The following LCMT1 variants were observed in gnomAD, a reference collection of about 807,000 sequenced individuals.
LCMT1 encodes leucine carboxyl methyltransferase 1.
A neutral mutation model predicts 47.7 loss-of-function variants in LCMT1; 32 were observed. The observed-to-expected ratio is 0.67, with a 90% CI of 0.51 to 0.90. The LOEUF (loss-of-function observed/expected upper bound fraction) is 0.90, where lower values mean the gene tolerates loss of function less well. Among genes scored for constraint, LCMT1 ranks in the 40% least tolerant of loss-of-function variants. LCMT1 has a pLI of 0.00. For synonymous variants in LCMT1, 152 were observed against 149.7 expected (o/e 1.02, Z -0.11); for missense variants, 375 against 415.2 (o/e 0.90, Z 0.84).
chr16:25,154,597 C>T (rs1209108000), intron 5 of LCMT1, among the ~76,000 whole-genome samples: 1 of 151,418 alleles, frequency 6.6e-6, no homozygotes, highest in African/African-American at 2.4e-5. Context: ...TGCCATTCTC[C>T]TGCCTCAGCC....
At chr16:25,125,536 AAAT>A (rs1158477934) in intron 1 of LCMT1, among the ~76,000 whole-genome samples, 4 of 152,122 alleles carry the variant, frequency 2.6e-5, no homozygotes, top group Non-Finnish European at 5.9e-5. Flanking sequence ...AAGCTAGATT[AAAT>A]AATAGTTTTG....
intron 1 of LCMT1, among the ~76,000 whole-genome samples, chr16:25,125,693 G>T (rs374256819): frequency 6.6e-6 from 1 of 151,880 alleles, no homozygotes; most frequent in Non-Finnish European, 1.5e-5. Flanking sequence ...TTAGCCAGGC[G>T]TGGTGGCGGG....
At chr16:25,159,741 G>A (rs769640914) in intron 5 of LCMT1, among the ~76,000 whole-genome samples, 12 of 152,054 alleles carry the variant, frequency 7.9e-5, no homozygotes, top group Non-Finnish European at 1.5e-4. Flanking sequence ...TTATCAAGAT[G>A]ATAAATGAGA....
rs922081313 is a variant in LCMT1, at chr16:25,177,768, A to G, written c.983-233A>G. Among the ~76,000 whole-genome samples, 3 of 152,348 alleles carry G rather than the reference A, an allele frequency of 2.0e-5. No individual in the cohort carries two copies. In the South Asian group the frequency reaches 6.2e-4, roughly 32 times the overall value. On this transcript the variant is annotated intron_variant, in intron 10 of 10. Coordinates refer to ENST00000399069, the MANE Select transcript of LCMT1 (RefSeq NM_016309.3). ...GGTAGATTTTTGGCGTTAACTGCAG[A>G]CAGTCCATAAACTGTTATAATGTTT... is the stretch of plus-strand genomic sequence containing the variant.
chr16:25,133,892 TGTG>T (rs1188032662), intron 3 of LCMT1, among the ~76,000 whole-genome samples: 3 of 151,500 alleles, frequency 2.0e-5, no homozygotes, highest in African/African-American at 7.3e-5. Flanking sequence ...ATTAGCTGGG[TGTG>T]GTGGTGGGCA....
At chr16:25,149,854 A>G (rs192298664) in intron 4 of LCMT1, among the ~76,000 whole-genome samples, 1 of 147,302 alleles carries the variant, frequency 6.8e-6, no homozygotes, top group Non-Finnish European at 1.5e-5. Context: ...TCGAGGCTGC[A>G]GTGAGCTATG....
At chr16:25,144,580 A>G (rs1960793517) in intron 4 of LCMT1, 1 of 152,266 alleles carries the variant, frequency 6.6e-6, no homozygotes, top group Non-Finnish European at 1.5e-5. Context: ...ATACCCTTAA[A>G]GTAATATCCA....
intron 4 of LCMT1, chr16:25,148,916 G>T (rs935101889): frequency 6.6e-6 from 1 of 152,284 alleles, no homozygotes; most frequent in Non-Finnish European, 1.5e-5. Flanking sequence ...AGCGCACGGG[G>T]AGACGGCAGA....
At chr16:25,177,684 G>A (rs1161184797) in intron 10 of LCMT1, among the ~76,000 whole-genome samples, 1 of 152,180 alleles carries the variant, frequency 6.6e-6, no homozygotes, top group African/African-American at 2.4e-5. Context: ...GGACATCAGT[G>A]CTTGTCTGTG....
chr16:25,114,632 G>A (rs770227099), intron 1 of LCMT1, among the ~76,000 whole-genome samples: 2 of 152,048 alleles, frequency 1.3e-5, no homozygotes, highest in Non-Finnish European at 2.9e-5. Context: ...GTCCTCTGCA[G>A]TTACCACCTG....
In LCMT1 at chr16:25,112,431, G is replaced by A. The variant is rs568605013; in HGVS notation, c.113+435G>A. Among the ~76,000 whole-genome samples the A allele has an allele frequency of 1.2e-4, 19 of 152,320 alleles. No homozygotes were observed. In the South Asian group the frequency reaches 3.1e-3, roughly 25 times the overall value. ...GCACCTGAAACTCAGGATGACGAGG[G>A]GAAATAACCCACCCAGAGCCAAGTA... On this transcript the variant is annotated intron_variant, in intron 1 of 10. Transcript: ENST00000399069.
At chr16:25,177,846 T>C (rs1597612629) in intron 10 of LCMT1, among the ~76,000 whole-genome samples, 155 bp from the exon 11 acceptor site, 1 of 152,218 alleles carries the variant, frequency 6.6e-6, no homozygotes, top group South Asian at 2.1e-4. Flanking sequence ...ACCTTTTGTT[T>C]CCTTGCGAAA....
At chr16:25,140,352 T>A (rs1456051882) in intron 4 of LCMT1, 105 bp downstream of exon 4, 5 of 849,260 alleles carry the variant, frequency 5.9e-6, no homozygotes, top group Non-Finnish European at 9.5e-6. Context: ...GGGTGTTGCC[T>A]TCCGTTCACT....
intron 1 of LCMT1, among the ~76,000 whole-genome samples, chr16:25,121,764 C>T (rs1203953021): frequency 1.3e-5 from 2 of 152,120 alleles, no homozygotes; most frequent in African/African-American, 2.4e-5. Flanking sequence ...GAAACAGCCC[C>T]CATGATCCAG....
At chr16:25,173,337 G>C (rs1446179524) in intron 9 of LCMT1, among the ~76,000 whole-genome samples, 1 of 152,186 alleles carries the variant, frequency 6.6e-6, no homozygotes, top group African/African-American at 2.4e-5. Context: ...CCTTCAGTAT[G>C]GTACTGGATT....
At chr16:25,128,118 T>G (rs1313834881) in intron 1 of LCMT1, among the ~76,000 whole-genome samples, 1 of 152,210 alleles carries the variant, frequency 6.6e-6, no homozygotes, top group Non-Finnish European at 1.5e-5. Context: ...TGGAATTAAC[T>G]GACTAGCTCT....
At chr16:25,139,912 C>CT (rs1321394376) in intron 3 of LCMT1, 4 of 425,646 alleles carry the variant, frequency 9.4e-6, no homozygotes, top group Non-Finnish European at 1.3e-5. Context: ...CAGCTGCCAC[C>CT]TGCTAGCTCA....
chr16:25,143,025 T>G lies in LCMT1; in HGVS notation c.404+2778T>G, dbSNP rs1312427854. ...GCAAGGGGTGGTCCTCCGGGGAGCCTGCCCTTCAAGCCTTTAGGAGGACTT... is the reference window on the plus strand; with the variant it reads ...GCAAGGGGTGGTCCTCCGGGGAGCCGGCCCTTCAAGCCTTTAGGAGGACTT... On this transcript the variant is annotated intron_variant, in intron 4 of 10. Transcript: ENST00000399069. The G allele has an allele frequency of 2.0e-5, 3 of 152,236 alleles. No homozygotes were observed. The East Asian group carries it at 5.8e-4, about 29-fold the overall frequency. The allele number at this position is 152,236 out of a possible 1,614,324, so 9.4% of individuals were successfully genotyped here. A position where few individuals can be genotyped will look rare whatever the true frequency, so the allele number is the denominator to read the frequency against.
intron 7 of LCMT1, among the ~76,000 whole-genome samples, 194 bp downstream of exon 7, chr16:25,164,912 A>G (rs1342164193): frequency 1.3e-5 from 2 of 152,220 alleles, no homozygotes; most frequent in Admixed American, 6.5e-5. Flanking sequence ...GCCAGTTATT[A>G]GAACTTCTGT....
Sources: allele counts gnomAD v4.1 joint callset (sites outside exome capture counted in the v4.1 genomes callset), GRCh38; gene constraint gnomAD v4.1.1; transcripts MANE v1.5; gene names NCBI Gene and HGNC (gene_info 2026-07-23, HGNC 2026-07-21).